DYNC1I2: variants seen among roughly 807,000 people sequenced by gnomAD.
DYNC1I2 encodes the protein cytoplasmic dynein 1 intermediate chain 2.
Under a neutral mutation model 88.6 loss-of-function variants are expected in DYNC1I2, and 53 were observed. The observed-to-expected ratio is 0.60, with a 90% confidence interval of 0.48 to 0.75. The LOEUF is 0.75. Ranked by LOEUF, DYNC1I2 falls within the 30% of genes least tolerant of loss-of-function variation. DYNC1I2 has a pLI of 0.00. For missense variants in DYNC1I2, 458 were observed against 766.6 expected (o/e 0.60, Z 4.75); for synonymous variants, 198 against 254.6 (o/e 0.78, Z 2.12).
chr2:171,714,185 T>C (rs1559380612), intron 6 of DYNC1I2, among the ~76,000 whole-genome samples: 1 of 152,120 alleles, frequency 6.6e-6, no homozygotes, highest in Non-Finnish European at 1.5e-5. Context: ...ATTCTTTGAC[T>C]ATACTTTTTT....
chr2:171,715,265 A>G, intron 6 of DYNC1I2, 63 bp from the exon 7 acceptor site: 1 of 1,073,146 alleles, frequency 9.3e-7, no homozygotes, highest in Non-Finnish European at 1.4e-6. Context: ...TTAATTCTTA[A>G]TTTTTGAAAA....
At chr2:171,722,664 A>C (rs1687977090) in intron 7 of DYNC1I2, among the ~76,000 whole-genome samples, 1 of 152,178 alleles carries the variant, frequency 6.6e-6, no homozygotes, top group African/African-American at 2.4e-5. Flanking sequence ...TTTGTTTCAG[A>C]AGAACATTTT....
At chr2:171,744,430 T>G (rs1043612048) in intron 16 of DYNC1I2, among the ~76,000 whole-genome samples, 1 of 152,218 alleles carries the variant, frequency 6.6e-6, no homozygotes, top group Non-Finnish European at 1.5e-5. Context: ...AAAAGCACTA[T>G]CATGTCTCTA....
chr2:171,716,249 ACT>A (rs1406254075), intron 7 of DYNC1I2, among the ~76,000 whole-genome samples: 17 of 152,044 alleles, frequency 1.1e-4, no homozygotes, highest in African/African-American at 3.9e-4. Context: ...ATATGTTAAC[ACT>A]CTAGTAGTAT....
chr2:171,726,785 G>C lies in DYNC1I2; in HGVS notation c.871-6G>C, dbSNP rs752083143. ...CATTTCTTTTCTTCTTGATTCTTCT[G>C]AGCAGTATCCGGAGTTACTCGTGGC... On this transcript the variant is annotated splice_polypyrimidine_tract_variant and splice_region_variant and intron_variant, in intron 10 of 17. Coordinates refer to ENST00000397119, the MANE Select transcript of DYNC1I2 (RefSeq NM_001378.3). 5.6e-5 allele frequency: 91 copies of C among 1,612,262 alleles called. No individual in the cohort carries two copies. The highest frequency in any genetic ancestry group is 7.0e-5 in the Non-Finnish European group (82 of 1,179,022).
chr2:171,697,698 G>T (rs1311768175), intron 3 of DYNC1I2, among the ~76,000 whole-genome samples: 1 of 147,134 alleles, frequency 6.8e-6, no homozygotes, highest in Non-Finnish European at 1.5e-5. Context: ...AAAAAAAAAA[G>T]AAAAACAAAA....
At position 171,726,825 on chromosome 2, in the gene DYNC1I2, A is replaced by G. The variant is rs918754448; in HGVS notation, c.905A>G (p.Asn302Ser). ...PELLVASYNN[N>S]EDAPHEPDGV... ...TTACTCGTGGCTTCCTATAACAACA[A>G]TGAAGATGCCCCTCATGAGCCTGAT... The change falls in exon 11 of 18, where the codon AAT becomes AGT. Residue 302 changes from asparagine (N) to serine (S), a missense_variant. Physicochemically the swap from Asn to Ser is conservative, Grantham distance 46 (BLOSUM62 1). This residue lies in a region of DYNC1I2 where 203 missense variants were observed against 354.2 expected (regional missense o/e 0.57). Coordinates refer to ENST00000397119, the MANE Select transcript of DYNC1I2 (RefSeq NM_001378.3). 8.1e-6 allele frequency: 13 copies of G among 1,613,052 alleles called. No individual in the cohort carries two copies. Among genetic ancestry groups the G allele is most frequent in the African/African-American group, 1.3e-5 (1 of 74,872 alleles).
chr2:171,708,798 T>G (rs1042655151), intron 5 of DYNC1I2, among the ~76,000 whole-genome samples: 1 of 152,058 alleles, frequency 6.6e-6, no homozygotes, highest in Non-Finnish European at 1.5e-5. Flanking sequence ...GCTCAAACGA[T>G]CCTCCCACAT....
At chr2:171,731,119 C>T (rs993902405) in intron 15 of DYNC1I2, among the ~76,000 whole-genome samples, 9 of 152,216 alleles carry the variant, frequency 5.9e-5, no homozygotes, top group South Asian at 2.1e-4. Flanking sequence ...TCTTTTACCT[C>T]TTAATGGGGA....
intron 5 of DYNC1I2, among the ~76,000 whole-genome samples, chr2:171,711,749 CA>C (rs1467066564): frequency 1.3e-5 from 2 of 152,096 alleles, no homozygotes; most frequent in African/African-American, 4.8e-5. Flanking sequence ...ATTATATAGG[CA>C]GGTAGAGAAA....
chr2:171,736,946 A>G (rs1490946437), intron 15 of DYNC1I2, among the ~76,000 whole-genome samples: 4 of 152,180 alleles, frequency 2.6e-5, no homozygotes, highest in African/African-American at 9.7e-5. Flanking sequence ...CAGCTTTGAA[A>G]AATAATCTAT....
intron 15 of DYNC1I2, among the ~76,000 whole-genome samples, chr2:171,733,023 G>T (rs1574614345): frequency 3.3e-5 from 5 of 152,086 alleles, no homozygotes; most frequent in Admixed American, 2.6e-4. Context: ...CCCAGTATGA[G>T]TTGTTCTCCT....
intron 1 of DYNC1I2, among the ~76,000 whole-genome samples, chr2:171,689,742 C>T (rs934918628): frequency 2.6e-5 from 4 of 151,788 alleles, no homozygotes; most frequent in Non-Finnish European, 4.4e-5. Flanking sequence ...TTTTTAGAGA[C>T]GCTCTGTTGC....
intron 16 of DYNC1I2, among the ~76,000 whole-genome samples, 152 bp downstream of exon 16, chr2:171,744,341 A>G (rs938932231): frequency 6.6e-6 from 1 of 152,264 alleles, no homozygotes; most frequent in African/African-American, 2.4e-5. Flanking sequence ...TGTACCCTAA[A>G]TAATAAACAG....
chr2:171,712,838 A>AT lies in DYNC1I2; in HGVS notation c.395+18dup, dbSNP rs781339656. 3 of 1,606,004 alleles carry AT rather than the reference A, an allele frequency of 1.9e-6. No individual in the cohort carries two copies. Among genetic ancestry groups the AT allele is most frequent in the East Asian group, 2.2e-5 (1 of 44,774 alleles). Reference sequence around the variant, plus strand: ...GATTCCGATTTGGGGTATTGAATAGATTTTTTACCTTCCCTGTTTTATAAT... The same window carrying AT: ...GATTCCGATTTGGGGTATTGAATAGATTTTTTTACCTTCCCTGTTTTATAAT... On this transcript the variant is annotated intron_variant, in intron 6 of 17. Transcript: ENST00000397119.
intron 15 of DYNC1I2, among the ~76,000 whole-genome samples, chr2:171,736,907 G>A (rs1343444943): frequency 6.6e-6 from 1 of 152,092 alleles, no homozygotes; most frequent in African/African-American, 2.4e-5. Context: ...GACTATCTTT[G>A]TTATTAATCT....
At chr2:171,712,691 A>T in intron 5 of DYNC1I2, 76 bp from the exon 6 acceptor site, 1 of 1,008,144 alleles carries the variant, frequency 9.9e-7, no homozygotes, top group South Asian at 1.4e-5. Context: ...AGCTTTAGCT[A>T]TTCATAGAAT....
At chr2:171,746,277 T>C (rs1689774091) in intron 17 of DYNC1I2, among the ~76,000 whole-genome samples, 1 of 152,176 alleles carries the variant, frequency 6.6e-6, no homozygotes, top group Non-Finnish European at 1.5e-5. Context: ...TATTTTTCTG[T>C]ATTCATTAAT....
chr2:171,744,236 A>G, intron 16 of DYNC1I2, 47 bp downstream of exon 16: 2 of 1,543,466 alleles, frequency 1.3e-6, no homozygotes, highest in Admixed American at 2.1e-5. Context: ...AGAAAATTGG[A>G]TATTTATTGA....
Sources: allele counts gnomAD v4.1 joint callset (sites outside exome capture counted in the v4.1 genomes callset), GRCh38; gene constraint gnomAD v4.1.1; regional missense constraint gnomAD v4.1.1; transcripts MANE v1.5; gene names NCBI Gene and HGNC (gene_info 2026-07-23, HGNC 2026-07-21).